The following MPP1 variants were observed in gnomAD, a reference collection of about 807,000 sequenced individuals.
MPP1 encodes MAGUK p55 scaffold protein 1.
MPP1 carries 6 observed loss-of-function variants against 38.2 expected under a neutral mutation model. The ratio of observed to expected loss-of-function variants is 0.16; its 90% confidence interval spans 0.09 to 0.31. The LOEUF (loss-of-function observed/expected upper bound fraction) is 0.31. Among genes scored for constraint, MPP1 ranks in the 10% least tolerant of loss-of-function variants. The pLI is 1.00. For synonymous variants in MPP1, 153 were observed against 146.3 expected, an observed-to-expected ratio of 1.05 and a Z score of -0.33; for missense variants, 293 against 368.9, an observed-to-expected ratio of 0.79 and a Z score of 1.69.
At chrX:154,793,110 T>G (rs1013593463) in intron 1 of MPP1, among the ~76,000 whole-genome samples, 1 of 111,732 alleles carries the variant, frequency 8.9e-6, no homozygotes, top group African/African-American at 3.3e-5. Flanking sequence ...GCACGATAAA[T>G]GTCATAAAAG....
intron 1 of MPP1, chrX:154,804,826 G>A (rs1210199438): frequency 2.9e-5 from 10 of 343,027 alleles, no homozygotes; most frequent in Admixed American, 2.8e-4. Context: ...AAGGGGACCT[G>A]CCTAAATGAA....
chrX:154,788,425 G>T (rs1557267437), intron 5 of MPP1, among the ~76,000 whole-genome samples: 1 of 111,890 alleles, frequency 8.9e-6, no homozygotes, highest in African/African-American at 3.3e-5. Flanking sequence ...TTAGTCATTA[G>T]AGAATTTTTA....
intron 1 of MPP1, among the ~76,000 whole-genome samples, chrX:154,798,848 C>G (rs1164365653): frequency 9.0e-6 from 1 of 111,617 alleles, no homozygotes; most frequent in Admixed American, 9.4e-5. Flanking sequence ...GATTCTCCTG[C>G]CTCAGCCTCC....
intron 1 of MPP1, among the ~76,000 whole-genome samples, chrX:154,798,229 C>T (rs1557268302): frequency 2.7e-5 from 3 of 111,692 alleles, no homozygotes; most frequent in African/African-American, 9.8e-5. Flanking sequence ...ATTAAAAAAC[C>T]AAACACACAA....
chrX:154,779,744 T>A (rs782358620), intron 11 of MPP1, among the ~76,000 whole-genome samples: 1 of 112,802 alleles, frequency 8.9e-6, no homozygotes, highest in South Asian at 3.7e-4. Context: ...TTTGAGACAG[T>A]GTCTTGCTCT....
chrX:154,791,120 G>T, intron 3 of MPP1, 52 bp from the exon 4 acceptor site: 2 of 1,041,983 alleles, frequency 1.9e-6, no homozygotes, highest in Non-Finnish European at 2.7e-6. Flanking sequence ...TCAAACAGGA[G>T]CTGTCAATGT....
At chrX:154,779,485 A>G (rs1197165113) in intron 11 of MPP1, 132 bp from the exon 12 acceptor site, 1 of 576,927 alleles carries the variant, frequency 1.7e-6, no homozygotes, top group African/African-American at 2.3e-5. Flanking sequence ...AATTCAGAAG[A>G]CATTGTGAAA....
At chrX:154,780,644 A>G (rs2071981291) in intron 11 of MPP1, among the ~76,000 whole-genome samples, 1 of 112,120 alleles carries the variant, frequency 8.9e-6, no homozygotes. Flanking sequence ...CTACAGATAT[A>G]TTTGCACACA....
Position 154,792,324 on chromosome X carries a change from G to C in MPP1, c.103-39C>G, listed in dbSNP as rs369854435. ...ACAACAAAGCAACGTATGAAATCAG[G>C]AGCAAGGCCCACAGCCAGTCCACAA... is the stretch of plus-strand genomic sequence containing the variant. On this transcript the variant is annotated intron_variant, in intron 1 of 11. Coordinates refer to ENST00000369534, the MANE Select transcript of MPP1 (RefSeq NM_002436.4). 1.2e-5 allele frequency: 14 copies of C among 1,176,559 alleles called. No homozygotes were observed. The African/African-American group carries it at 2.3e-4, about 19-fold the overall frequency.
At chrX:154,802,674 C>T (rs782539847) in intron 1 of MPP1, among the ~76,000 whole-genome samples, 14 of 110,059 alleles carry the variant, frequency 1.3e-4, no homozygotes, top group Non-Finnish European at 2.7e-4. Flanking sequence ...GCCTAGACCA[C>T]ATTGAAAAGA....
At chrX:154,803,054 A>G (rs1198454227) in intron 1 of MPP1, among the ~76,000 whole-genome samples, 1 of 112,153 alleles carries the variant, frequency 8.9e-6, no homozygotes, top group Non-Finnish European at 1.9e-5. Flanking sequence ...GTCAAGCATT[A>G]TCTCATGTAA....
intron 1 of MPP1, among the ~76,000 whole-genome samples, chrX:154,799,254 A>C (rs1379842877): frequency 8.9e-6 from 1 of 112,050 alleles, no homozygotes; most frequent in East Asian, 2.8e-4. Context: ...AGAAGTTGCA[A>C]ATGATGACTA....
chrX:154,798,884 A>G (rs1228828664), intron 1 of MPP1, among the ~76,000 whole-genome samples: 5 of 110,642 alleles, frequency 4.5e-5, no homozygotes, highest in East Asian at 5.6e-4. Context: ...ACAGGCATGC[A>G]CCACCACGCC....
chrX:154,800,281 G>A (rs782068130), intron 1 of MPP1, among the ~76,000 whole-genome samples: 87 of 112,652 alleles, frequency 7.7e-4, no homozygotes, highest in African/African-American at 2.7e-3. Context: ...ACAAATGACA[G>A]GAACTAGGGA....
intron 1 of MPP1, chrX:154,804,661 GGA>G: frequency 3.0e-6 from 1 of 338,446 alleles, no homozygotes; most frequent in African/African-American, 2.6e-5. Context: ...AGCGAGTTTG[GGA>G]GAGATTTGCC....
intron 9 of MPP1, chrX:154,782,668 A>T (rs1172269371): frequency 8.9e-6 from 1 of 112,871 alleles, no homozygotes; most frequent in Non-Finnish European, 1.9e-5. Flanking sequence ...CTCACTTAAT[A>T]TTATTATCAG....
chrX:154,789,092 C>T (rs1557267482), intron 5 of MPP1, among the ~76,000 whole-genome samples: 1 of 111,904 alleles, frequency 8.9e-6, no homozygotes, highest in Non-Finnish European at 1.9e-5. Context: ...GAAAATTCAT[C>T]CAGTTTTATA....
intron 1 of MPP1, among the ~76,000 whole-genome samples, chrX:154,797,243 T>C (rs1569558969): frequency 8.9e-6 from 1 of 111,944 alleles, no homozygotes; most frequent in Non-Finnish European, 1.9e-5. Flanking sequence ...CAGTGTTGGC[T>C]ACCGATCACC....
chrX:154,779,663 AG>A (rs1364676584), intron 11 of MPP1, among the ~76,000 whole-genome samples: 3 of 112,451 alleles, frequency 2.7e-5, no homozygotes, highest in Non-Finnish European at 3.8e-5. Flanking sequence ...AACATGGAAG[AG>A]CCATTTCAAC....
Sources: allele counts gnomAD v4.1 joint callset (sites outside exome capture counted in the v4.1 genomes callset), GRCh38; gene constraint gnomAD v4.1.1; transcripts MANE v1.5; gene names NCBI Gene and HGNC (gene_info 2026-07-23, HGNC 2026-07-21).